Variants in ACOT8 observed in about 807,000 individuals in gnomAD.
The protein encoded by ACOT8 is acyl-CoA thioesterase 8.
A neutral mutation model predicts 38.4 loss-of-function variants in ACOT8; 31 were observed. The observed-to-expected ratio is 0.81, with a 90% CI of 0.61 to 1.09. The LOEUF (loss-of-function observed/expected upper bound fraction) is 1.09. Among genes scored for constraint, ACOT8 ranks in the 50% least tolerant of loss-of-function variants. ACOT8 has a pLI of 0.00. For synonymous variants in ACOT8, 158 were observed against 170.3 expected, an observed-to-expected ratio of 0.93 and a Z score of 0.56; for missense variants, 373 against 421.8, an observed-to-expected ratio of 0.88 and a Z score of 1.01.
chr20:45,855,424 A>G (rs1307699618), intron 1 of ACOT8, 132 bp from the exon 2 acceptor site: 11 of 1,274,102 alleles, frequency 8.6e-6, no homozygotes, highest in Non-Finnish European at 1.1e-5. Context: ...GGTAAAAGCC[A>G]TAGGTCCTTT....
intron 2 of ACOT8, among the ~76,000 whole-genome samples, chr20:45,850,511 T>C (rs980670570): frequency 2.6e-5 from 4 of 152,044 alleles, no homozygotes; most frequent in African/African-American, 9.7e-5. Flanking sequence ...TGCGTCAGAG[T>C]TCTGTTTTTC....
At chr20:45,857,142 G>T in intron 1 of ACOT8, 46 bp downstream of exon 1, 1 of 1,583,224 alleles carries the variant, frequency 6.3e-7, no homozygotes, top group Non-Finnish European at 8.6e-7. Flanking sequence ...TCAAGATCAA[G>T]TTTCTGCCCT....
At chr20:45,853,232 G>A (rs6124749) in intron 2 of ACOT8, among the ~76,000 whole-genome samples, 69,074 of 152,074 alleles carry the variant, frequency 0.45, 16,905 homozygotes, top group Non-Finnish European at 0.55. Flanking sequence ...AAGCAAAGAA[G>A]CAGGAAAGAG....
rs900143189 is a variant in ACOT8, at chr20:45,855,164, C to T, written c.257G>A (p.Arg86Gln). The change falls in exon 2 of 6, where the codon CGG becomes CAG. Residue 86 changes from arginine to glutamine, a missense_variant. Arg to Gln is a conservative substitution (Grantham distance 43, BLOSUM62 1). Transcript: ENST00000217455. ...HVHSLHCYFV[R>Q]AGDPKLPVLY... ...GCAGGAAGTGGGGGGTTTACCTGCC[C>T]GAACAAAGTAGCAGTGCAGGGAGTG... 5 of 1,613,694 alleles carry T rather than the reference C, an allele frequency of 3.1e-6. No individual in the cohort carries two copies. The highest frequency in any genetic ancestry group is 1.1e-5 in the South Asian group (1 of 91,074).
At chr20:45,855,070 C>A in intron 2 of ACOT8, 89 bp downstream of exon 2, 1 of 1,549,240 alleles carries the variant, frequency 6.5e-7, no homozygotes, top group Non-Finnish European at 8.8e-7. Context: ...TTCCAGTCTC[C>A]CTCTCTTCCC....
At position 45,843,705 on chromosome 20, in the gene ACOT8, C is replaced by G. The variant is rs1984446306; in HGVS notation, c.663G>C (p.Lys221Asn). Reference sequence around the variant, plus strand: ...TATAGGCGGCCACGCAGCAGTGCATCTTCATGTCGCCCTCGCCTGCAACAG... The same window carrying G: ...TATAGGCGGCCACGCAGCAGTGCATGTTCATGTCGCCCTCGCCTGCAACAG... ...ARGYIGEGDM[K>N]MHCCVAAYIS... The change falls in exon 5 of 6, where the codon AAG becomes AAC. Residue 221 changes from lysine (K) to asparagine (N), a missense_variant. Physicochemically the swap from Lys to Asn is moderately conservative, Grantham distance 94. Coordinates refer to ENST00000217455, the MANE Select transcript of ACOT8 (RefSeq NM_005469.4). The G allele has an allele frequency of 6.2e-7, 1 of 1,606,904 alleles. No homozygotes were observed. Among genetic ancestry groups the G allele is most frequent in the African/African-American group, 1.3e-5 (1 of 74,784 alleles).
intron 5 of ACOT8, 135 bp downstream of exon 5, chr20:45,843,392 C>G: frequency 2.5e-6 from 3 of 1,201,002 alleles, no homozygotes; most frequent in Non-Finnish European, 3.6e-6. Flanking sequence ...GATGAAGATG[C>G]CAAAGCCTGG....
chr20:45,843,518 C>A lies in ACOT8; in HGVS notation c.841+9G>T, dbSNP rs762288247. ...TCAGTGCCCTTGTCCCACACGGCCC[C>A]ACACTCACCGGCCCAGGGGCTCTCG... is the stretch of plus-strand genomic sequence containing the variant. On this transcript the variant is annotated intron_variant, in intron 5 of 5. Coordinates refer to ENST00000217455, the MANE Select transcript of ACOT8 (RefSeq NM_005469.4). 11 of 1,608,702 alleles carry A rather than the reference C, an allele frequency of 6.8e-6. No individual in the cohort carries two copies. The highest frequency in any genetic ancestry group is 9.3e-6 in the Non-Finnish European group (11 of 1,176,854).
intron 3 of ACOT8, among the ~76,000 whole-genome samples, chr20:45,845,213 C>T (rs1308545584): frequency 2.6e-5 from 4 of 152,208 alleles, no homozygotes; most frequent in East Asian, 1.9e-4. Flanking sequence ...CTCAGCCTCC[C>T]GAGTAGCTGG....
intron 3 of ACOT8, among the ~76,000 whole-genome samples, chr20:45,846,171 C>T (rs197664): frequency 0.087 from 13,241 of 152,212 alleles, 1,307 homozygotes; most frequent in African/African-American, 0.24. Context: ...AATATAGCCA[C>T]GAGTGGCTAG....
At chr20:45,845,368 C>CT (rs924644731) in intron 3 of ACOT8, among the ~76,000 whole-genome samples, 1 of 151,528 alleles carries the variant, frequency 6.6e-6, no homozygotes, top group South Asian at 2.1e-4. Context: ...ATTATTTTTA[C>CT]TTTTTTTTGT....
chr20:45,842,956 G>T, intron 5 of ACOT8: 1 of 1,010,710 alleles, frequency 9.9e-7, no homozygotes, highest in Non-Finnish European at 1.2e-6. Flanking sequence ...ATTGATGAAC[G>T]AGTCTTGTTT....
chr20:45,843,733 C>G lies in ACOT8; in HGVS notation c.647-12G>C. The stretch of plus-strand genomic sequence containing the variant: ...CATGTCGCCCTCGCCTGCAACAGGT[C>G]CCCATCAGCCCTGGGCTCCTGGGCT... On this transcript the variant is annotated splice_polypyrimidine_tract_variant and intron_variant, in intron 4 of 5. Coordinates refer to ENST00000217455, the MANE Select transcript of ACOT8 (RefSeq NM_005469.4). 1 of 1,604,824 alleles carries G rather than the reference C, an allele frequency of 6.2e-7. No homozygotes were observed. The highest frequency in any genetic ancestry group is 8.5e-7 in the Non-Finnish European group (1 of 1,172,990).
chr20:45,844,453 C>T (rs766903906), intron 3 of ACOT8, 33 bp from the exon 4 acceptor site: 25 of 1,609,092 alleles, frequency 1.6e-5, no homozygotes, highest in Non-Finnish European at 2.1e-5. Flanking sequence ...CGGGGTGAGA[C>T]CCAGGAAGAG....
chr20:45,845,843 T>C (rs1029980376), intron 3 of ACOT8, among the ~76,000 whole-genome samples: 2 of 151,954 alleles, frequency 1.3e-5, no homozygotes, highest in African/African-American at 4.8e-5. Flanking sequence ...TTTTGTTTTT[T>C]TTTTTTTAAG....
chr20:45,843,147 A>C, intron 5 of ACOT8: 1 of 754,764 alleles, frequency 1.3e-6, no homozygotes, highest in Non-Finnish European at 1.8e-6. Context: ...GGCATCCCCA[A>C]ATGGCAGTCT....
intron 1 of ACOT8, among the ~76,000 whole-genome samples, chr20:45,856,617 T>G (rs953808100): frequency 1.3e-5 from 2 of 150,984 alleles, no homozygotes; most frequent in Non-Finnish European, 3.0e-5. Context: ...GAGGCGGAGG[T>G]TGCACTGAGC....
chr20:45,855,355 TAA>T, intron 1 of ACOT8, 63 bp from the exon 2 acceptor site: 1 of 1,585,144 alleles, frequency 6.3e-7, no homozygotes. Context: ...CTACCCTCAC[TAA>T]GACTCTAATG....
At chr20:45,853,020 C>T (rs1478773333) in intron 2 of ACOT8, among the ~76,000 whole-genome samples, 5 of 152,212 alleles carry the variant, frequency 3.3e-5, no homozygotes, top group Non-Finnish European at 7.3e-5. Context: ...CCGCCCGCCT[C>T]GGCTTCCCAA....
Sources: allele counts gnomAD v4.1 joint callset (sites outside exome capture counted in the v4.1 genomes callset), GRCh38; gene constraint gnomAD v4.1.1; transcripts MANE v1.5; gene names NCBI Gene and HGNC (gene_info 2026-07-23, HGNC 2026-07-21).